RIOK2: variants seen among roughly 807,000 people sequenced by gnomAD.
RIOK2 encodes the protein RIO kinase 2.
RIOK2 carries 46 observed loss-of-function variants against 62.4 expected under a neutral mutation model. The observed-to-expected ratio is 0.74, with a 90% CI of 0.58 to 0.94. The LOEUF is 0.94. Ranked by LOEUF, RIOK2 falls within the 40% of genes least tolerant of loss-of-function variation. The probability of loss-of-function intolerance (pLI) is 0.00; values close to 1 mark genes in which losing one functional copy is unlikely to be tolerated. For synonymous variants in RIOK2, 197 were observed against 216.0 expected, an observed-to-expected ratio of 0.91 and a Z score of 0.77; for missense variants, 574 against 658.0, an observed-to-expected ratio of 0.87 and a Z score of 1.40.
intron 1 of RIOK2, 151 bp downstream of exon 1, chr5:97,182,975 C>A (rs767504199): frequency 1.2e-6 from 1 of 850,314 alleles, no homozygotes; most frequent in South Asian, 1.3e-5. Context: ...TTTAAAAATC[C>A]GACTTTCTGA....
chr5:97,180,705 C>A lies in RIOK2; in HGVS notation c.67-1512G>T, dbSNP rs116452152. Among the ~76,000 whole-genome samples the A allele has an allele frequency of 9.2e-3, 1,400 of 151,976 alleles. 26 individuals are homozygous for A. The highest frequency in any genetic ancestry group is 0.032 in the African/African-American group (1,326 of 41,408). ...GAGGGGGTACTCCGGAGAACTAAGA[C>A]AGAAGTCCAGCTCAGAGGAAAGAGC... is the stretch of plus-strand genomic sequence containing the variant. On this transcript the variant is annotated intron_variant, in intron 1 of 9. Coordinates refer to ENST00000283109, the MANE Select transcript of RIOK2 (RefSeq NM_018343.3).
Position 97,179,143 on chromosome 5 carries a change from A to G in RIOK2, c.117T>C (p.Ala39=). 2 of 1,613,972 alleles carry G rather than the reference A, an allele frequency of 1.2e-6. No homozygotes were observed. The highest frequency in any genetic ancestry group is 1.7e-6 in the Non-Finnish European group (2 of 1,179,932). The change falls in exon 2 of 10, where the codon GCT becomes GCC. Residue 39 remains alanine, a synonymous_variant. Coordinates refer to ENST00000283109, the MANE Select transcript of RIOK2 (RefSeq NM_018343.3). The part of the protein sequence containing the change: ...NHEIVPGSLI[A]SIASLKHGGC... ...CACCATGTTTAAGGCTGGCTATAGA[A>G]GCAATCAAACTGCCGGGAACAATTT...
At chr5:97,177,907 G>A (rs146354896) in intron 2 of RIOK2, 59 bp from the exon 3 acceptor site, 104 of 991,946 alleles carry the variant, frequency 1.0e-4, no homozygotes, top group African/African-American at 1.6e-4. Flanking sequence ...ACCAAGTCAC[G>A]TAAGTTCAAG....
intron 5 of RIOK2, among the ~76,000 whole-genome samples, chr5:97,172,535 T>C (rs932816325): frequency 6.6e-6 from 1 of 152,228 alleles, no homozygotes; most frequent in Non-Finnish European, 1.5e-5. Flanking sequence ...ATTTCTTGCC[T>C]AGATTATTGT....
chr5:97,161,973 A>G lies in RIOK2; in HGVS notation c.*1088T>C, dbSNP rs1033255387. 1 of 129,380 alleles carries G rather than the reference A, an allele frequency of 7.7e-6. No homozygotes were observed. Among genetic ancestry groups the G allele is most frequent in the African/African-American group, 3.7e-5 (1 of 27,304 alleles). The allele number at this position is 129,380 out of a possible 1,614,324, so 8.0% of individuals were successfully genotyped here. ...TTCTAGCTTCTATATATTTAAGCCA[A>G]TTTATTAGATAATTACAGGTCTTGC... On this transcript the variant is annotated 3_prime_UTR_variant, in exon 10 of 10. Coordinates refer to ENST00000283109, the MANE Select transcript of RIOK2 (RefSeq NM_018343.3).
At position 97,171,340 on chromosome 5, in the gene RIOK2, T is replaced by C; in HGVS notation, c.645A>G (p.Leu215=). ...PASVYDEAME[L]IVKLANHGLI... ...GCCCATGATTTGCAAGTTTGACAAT[T>C]AGTTCCATAGCTTCATCATATACTG... The change falls in exon 6 of 10, where the codon CTA becomes CTG. Residue 215 remains leucine (L), a synonymous_variant. Coordinates refer to ENST00000283109, the MANE Select transcript of RIOK2 (RefSeq NM_018343.3). The C allele has an allele frequency of 6.2e-7, 1 of 1,607,662 alleles. No individual in the cohort carries two copies. The highest frequency in any genetic ancestry group is 8.5e-7 in the Non-Finnish European group (1 of 1,177,500).
intron 9 of RIOK2, among the ~76,000 whole-genome samples, chr5:97,164,595 C>T (rs1748791821): frequency 6.6e-6 from 1 of 152,104 alleles, no homozygotes; most frequent in Non-Finnish European, 1.5e-5. Context: ...GTGTCTGAGG[C>T]TTACACACCT....
chr5:97,164,364 G>C (rs948534869), intron 9 of RIOK2, among the ~76,000 whole-genome samples: 21 of 151,968 alleles, frequency 1.4e-4, no homozygotes, highest in Non-Finnish European at 2.8e-4. Flanking sequence ...AGCCAGCCAT[G>C]GTGGTAGGCG....
Position 97,183,203 on chromosome 5 carries a change from T to C in RIOK2, c.-12A>G, listed in dbSNP as rs753045285. On this transcript the variant is annotated 5_prime_UTR_variant, in exon 1 of 10. Coordinates refer to ENST00000283109, the MANE Select transcript of RIOK2 (RefSeq NM_018343.3). ...TTCACTTTCCCCATGGCGGCCCCAG[T>C]CCGAACCCAGATGCCTCTCCGACGA... The C allele has an allele frequency of 1.9e-6, 3 of 1,614,072 alleles. No homozygotes were observed. In the African/African-American group the frequency reaches 4.0e-5, roughly 22 times the overall value.
At chr5:97,179,428 T>C (rs1749274515) in intron 1 of RIOK2, among the ~76,000 whole-genome samples, 1 of 152,228 alleles carries the variant, frequency 6.6e-6, no homozygotes, top group Non-Finnish European at 1.5e-5. Flanking sequence ...CTAGACATAC[T>C]GATGACATTT....
chr5:97,162,251 C>T lies in RIOK2; in HGVS notation c.*810G>A, dbSNP rs187725995. 2.6e-5 allele frequency: 4 copies of T among 152,290 alleles called. No individual in the cohort carries two copies. The highest frequency in any genetic ancestry group is 2.1e-4 in the South Asian group (1 of 4,822). 9.4% of individuals were successfully genotyped at this position (152,290 alleles called of 1,614,324 possible). The stretch of plus-strand genomic sequence containing the variant: ...CTTAAGCACTCATCTTTACATCTCA[C>T]TGAATTATAAAGTCCTTGAGGAAGG... On this transcript the variant is annotated 3_prime_UTR_variant, in exon 10 of 10. Transcript: ENST00000283109.
At chr5:97,181,721 C>T (rs769512158) in intron 1 of RIOK2, among the ~76,000 whole-genome samples, 62 of 152,288 alleles carry the variant, frequency 4.1e-4, no homozygotes, top group Non-Finnish European at 7.5e-4. Context: ...TTAAATTTAA[C>T]TTATTTTCCA....
Position 97,167,462 on chromosome 5 carries a change from T to C in RIOK2, c.1397+5A>G. On this transcript the variant is annotated splice_donor_5th_base_variant and intron_variant, in intron 8 of 9. Coordinates refer to ENST00000283109, the MANE Select transcript of RIOK2 (RefSeq NM_018343.3). Reference sequence around the variant, plus strand: ...AGTTAAAAAGCAATCGACAGAAGTCTATACCTGAAAGGCCTGAATTCTCTA... The same window carrying C: ...AGTTAAAAAGCAATCGACAGAAGTCCATACCTGAAAGGCCTGAATTCTCTA... The C allele has an allele frequency of 1.2e-6, 2 of 1,612,906 alleles. No individual in the cohort carries two copies. The highest frequency in any genetic ancestry group is 1.7e-6 in the Non-Finnish European group (2 of 1,179,484).
At chr5:97,165,685 A>C (rs1748825607) in intron 8 of RIOK2, among the ~76,000 whole-genome samples, 1 of 152,242 alleles carries the variant, frequency 6.6e-6, no homozygotes, top group South Asian at 2.1e-4. Context: ...AATATTTTTC[A>C]GCAACATCTG....
chr5:97,182,121 A>G (rs1749430262), intron 1 of RIOK2, among the ~76,000 whole-genome samples: 2 of 28,740 alleles, frequency 7.0e-5, no homozygotes, highest in South Asian at 2.1e-3. Context: ...AACGGCTCCT[A>G]AATAAATGTA....
At chr5:97,177,698 A>T in intron 3 of RIOK2, 34 bp downstream of exon 3, 1 of 1,287,062 alleles carries the variant, frequency 7.8e-7, no homozygotes, top group Non-Finnish European at 1.1e-6. Context: ...ACTAAAGCAA[A>T]GAAAATACTT....
chr5:97,170,318 C>A (rs560905964), intron 6 of RIOK2, among the ~76,000 whole-genome samples: 24 of 152,094 alleles, frequency 1.6e-4, no homozygotes, highest in Non-Finnish European at 2.8e-4. Context: ...ATATGATTAT[C>A]GCAGTATATC....
At position 97,163,262 on chromosome 5, in the gene RIOK2, A is replaced by T. The variant is rs778115125; in HGVS notation, c.1495-37T>A. On this transcript the variant is annotated intron_variant, in intron 9 of 9. Transcript: ENST00000283109. ...TCATAAATTAGTATTACTGATAATGAACCATTTCAAAAAGTACACTGCTAA... is the reference window on the plus strand; with the variant it reads ...TCATAAATTAGTATTACTGATAATGTACCATTTCAAAAAGTACACTGCTAA... 2.1e-5 allele frequency: 32 copies of T among 1,560,698 alleles called. No individual in the cohort carries two copies. In the Admixed American group the frequency reaches 5.1e-4, roughly 25 times the overall value.
intron 1 of RIOK2, among the ~76,000 whole-genome samples, chr5:97,179,991 A>ATATATAT (rs1561522013): frequency 1.8e-4 from 8 of 43,286 alleles, no homozygotes; most frequent in African/African-American, 8.0e-4. Context: ...TATATATATA[A>ATATATAT]AATATATATA....
Sources: allele counts gnomAD v4.1 joint callset (sites outside exome capture counted in the v4.1 genomes callset), GRCh38; gene constraint gnomAD v4.1.1; transcripts MANE v1.5; gene names NCBI Gene and HGNC (gene_info 2026-07-23, HGNC 2026-07-21).